The following HYDIN variants were observed in gnomAD, a reference collection of about 807,000 sequenced individuals.
HYDIN encodes axonemal central pair apparatus protein HYDIN.
In HYDIN, 132 loss-of-function variants were observed where a neutral mutation model predicts 403.9. That is an observed-to-expected ratio of 0.33 (90% CI 0.28 to 0.38). The LOEUF (loss-of-function observed/expected upper bound fraction) is 0.38, where lower values mean the gene tolerates loss of function less well. Ranked by LOEUF, HYDIN falls within the 10% of genes least tolerant of loss-of-function variation. The probability of loss-of-function intolerance (pLI) is 1.00; values close to 1 mark genes in which losing one functional copy is unlikely to be tolerated. For missense variants in HYDIN, 2,827 were observed against 5,009.5 expected (o/e 0.56, Z 13.15); for synonymous variants, 1,202 against 1,891.7 (o/e 0.64, Z 9.46).
intron 18 of HYDIN, among the ~76,000 whole-genome samples, chr16:71,045,599 G>C (rs1037778495): frequency 1.4e-5 from 2 of 141,756 alleles, no homozygotes; most frequent in African/African-American, 5.2e-5. Flanking sequence ...TCAAGACTCA[G>C]TGAAAGGTGT....
At chr16:70,901,285 C>T in intron 52 of HYDIN, 83 bp from the exon 53 acceptor site, 1 of 995,152 alleles carries the variant, frequency 1.0e-6, no homozygotes, top group Middle Eastern at 2.9e-4. Context: ...GTTTTAGGTT[C>T]AGGGGTTCAT....
chr16:71,000,988 T>C (rs1005236933), intron 23 of HYDIN, among the ~76,000 whole-genome samples: 41 of 150,724 alleles, frequency 2.7e-4, no homozygotes, highest in African/African-American at 9.5e-4. Context: ...GCACATACAA[T>C]GTAGTTTCAT....
At chr16:70,971,843 A>G (rs1159577991) in intron 35 of HYDIN, among the ~76,000 whole-genome samples, 2 of 151,490 alleles carry the variant, frequency 1.3e-5, no homozygotes, top group Non-Finnish European at 2.9e-5. Context: ...TGAACATGTT[A>G]TCATGCCTAA....
At chr16:70,996,736 C>T (rs1180338434) in intron 23 of HYDIN, among the ~76,000 whole-genome samples, 2 of 150,288 alleles carry the variant, frequency 1.3e-5, no homozygotes, top group Non-Finnish European at 3.0e-5. Context: ...TATGGTCTAA[C>T]TATGCCTGGG....
intron 41 of HYDIN, among the ~76,000 whole-genome samples, chr16:70,945,700 G>A (rs2077835543): frequency 6.6e-6 from 1 of 152,190 alleles, no homozygotes; most frequent in Admixed American, 6.5e-5. Context: ...GAGGAGTGTG[G>A]TGTCTGAAAG....
At chr16:71,208,256 G>T (rs559008043) in intron 1 of HYDIN, among the ~76,000 whole-genome samples, 16 of 152,172 alleles carry the variant, frequency 1.1e-4, no homozygotes, top group African/African-American at 3.4e-4. Flanking sequence ...AGAAATCAAA[G>T]CCAAGAAAGT....
chr16:71,005,766 G>C (rs1323899591), intron 23 of HYDIN, among the ~76,000 whole-genome samples: 2 of 147,848 alleles, frequency 1.4e-5, no homozygotes, highest in Non-Finnish European at 3.0e-5. Flanking sequence ...GAGAAAGAAG[G>C]ACTCCTTTAC....
intron 67 of HYDIN, among the ~76,000 whole-genome samples, chr16:70,864,647 G>A (rs2039636139): frequency 7.2e-6 from 1 of 139,538 alleles, no homozygotes; most frequent in Non-Finnish European, 1.5e-5. Flanking sequence ...TGACCACAGT[G>A]GCTTGTGTTT....
At chr16:70,922,237 G>C (rs1262873118) in intron 45 of HYDIN, among the ~76,000 whole-genome samples, 4 of 152,204 alleles carry the variant, frequency 2.6e-5, no homozygotes, top group East Asian at 3.8e-4. Flanking sequence ...TGCCTCATGT[G>C]GGGGAGGCAG....
At chr16:71,125,771 T>C (rs2084429263) in intron 9 of HYDIN, among the ~76,000 whole-genome samples, 1 of 152,218 alleles carries the variant, frequency 6.6e-6, no homozygotes. Context: ...CTTTAGTGTC[T>C]TTCTTTTGAA....
intron 1 of HYDIN, among the ~76,000 whole-genome samples, chr16:71,202,418 A>G (rs1190166186): frequency 1.3e-5 from 2 of 152,222 alleles, no homozygotes; most frequent in Non-Finnish European, 2.9e-5. Context: ...GGATGCAACC[A>G]TCAAATCAAT....
intron 7 of HYDIN, among the ~76,000 whole-genome samples, chr16:71,151,250 A>G (rs1253665096): frequency 1.3e-5 from 2 of 152,206 alleles, no homozygotes; most frequent in East Asian, 1.9e-4. Context: ...TAAAACTAAT[A>G]GACAAAACAG....
rs1171371779 is a variant in HYDIN at position 70,807,338 on chromosome 16, T to C, written c.*242A>G. ...TTTGGGGCTATGTCAAGAAACTCAA[T>C]TTAGGGACTCACAAGGATTCAGTTG... On this transcript the variant is annotated 3_prime_UTR_variant, in exon 86 of 86. Transcript: ENST00000393567. The C allele has an allele frequency of 4.3e-6, 2 of 463,164 alleles. No homozygotes were observed. The highest frequency in any genetic ancestry group is 4.0e-5 in the Admixed American group (1 of 24,942). The allele number at this position is 463,164 out of a possible 1,614,324, so 28.7% of individuals were successfully genotyped here.
rs539847582 is a variant in HYDIN, at chr16:70,953,561, C to A, written c.6317-926G>T. 2.8e-3 allele frequency among the ~76,000 whole-genome samples: 419 copies of A among 152,236 alleles called. 8 individuals carry two copies. In the East Asian group the frequency reaches 0.062, roughly 23 times the overall value. ...TGCTGTCTCTACTTCCCGGCTTCCC[C>A]ATGACCCCTCCTGAAATGTAGGTGT... On this transcript the variant is annotated intron_variant, in intron 40 of 85. Transcript: ENST00000393567.
intron 23 of HYDIN, among the ~76,000 whole-genome samples, chr16:71,017,496 G>A (rs537495803): frequency 6.6e-6 from 1 of 152,248 alleles, no homozygotes; most frequent in East Asian, 1.9e-4. Context: ...AGAACTGTGA[G>A]TCAATTAAAA....
At chr16:70,933,218 T>C (rs972556482) in intron 45 of HYDIN, among the ~76,000 whole-genome samples, 1 of 151,874 alleles carries the variant, frequency 6.6e-6, no homozygotes, top group Non-Finnish European at 1.5e-5. Context: ...TTGAGAACAA[T>C]TTAGGAGGGG....
chr16:70,896,340 T>G (rs1271175544), intron 53 of HYDIN, among the ~76,000 whole-genome samples: 2 of 151,568 alleles, frequency 1.3e-5, no homozygotes, highest in Non-Finnish European at 2.9e-5. Context: ...GGGCTTGGGG[T>G]AGACATTACA....
At chr16:70,811,352 C>G (rs1477427077) in intron 84 of HYDIN, 1 of 152,836 alleles carries the variant, frequency 6.5e-6, no homozygotes, top group African/African-American at 2.4e-5. Flanking sequence ...CAGGAGGAGG[C>G]CTTGATTGTA....
At chr16:70,821,959 G>T (rs1409622332) in intron 83 of HYDIN, among the ~76,000 whole-genome samples, 1 of 152,028 alleles carries the variant, frequency 6.6e-6, no homozygotes, top group Non-Finnish European at 1.5e-5. Flanking sequence ...AATGCACCTG[G>T]ACACCCAGGA....
Sources: gnomAD v4.1 joint callset for allele counts (sites outside exome capture counted in the v4.1 genomes callset) on GRCh38, gnomAD v4.1.1 for gene constraint, MANE v1.5 for transcripts, NCBI Gene and HGNC (gene_info 2026-07-23, HGNC 2026-07-21) for gene names.